The following DCC variants were observed in gnomAD, a reference collection of about 807,000 sequenced individuals.
DCC encodes netrin receptor DCC.
DCC carries 58 observed loss-of-function variants against 172.5 expected under a neutral mutation model. The ratio of observed to expected loss-of-function variants is 0.34; its 90% CI spans 0.27 to 0.42. DCC has a LOEUF of 0.42. DCC is among the 10% of genes least tolerant of loss of function. The pLI, the probability that DCC is intolerant of heterozygous loss-of-function variation, is 1.00. For synonymous variants in DCC, 709 were observed against 644.5 expected, an observed-to-expected ratio of 1.10 and a Z score of -1.52; for missense variants, 1,740 against 1,791.0, an observed-to-expected ratio of 0.97 and a Z score of 0.51.
intron 19 of DCC, among the ~76,000 whole-genome samples, chr18:53,404,318 CTTATT>C (rs1486961245): frequency 7.9e-5 from 12 of 151,814 alleles, no homozygotes; most frequent in Admixed American, 7.9e-4. Flanking sequence ...ATTCTCCACT[CTTATT>C]TAAGTAAATC....
At chr18:52,894,945 C>A (rs567729796) in intron 2 of DCC, among the ~76,000 whole-genome samples, 1 of 152,278 alleles carries the variant, frequency 6.6e-6, no homozygotes, top group East Asian at 1.9e-4. Context: ...AGGCTGGGTG[C>A]CCCACGGCCC....
intron 5 of DCC, among the ~76,000 whole-genome samples, chr18:53,048,563 ATATG>A (rs2042290900): frequency 1.5e-5 from 2 of 135,628 alleles, no homozygotes; most frequent in South Asian, 4.6e-4. Flanking sequence ...GCATATGTGT[ATATG>A]TATGTGTGTG....
intron 7 of DCC, among the ~76,000 whole-genome samples, chr18:53,095,026 C>G (rs1353775894): frequency 6.6e-6 from 1 of 152,148 alleles, no homozygotes; most frequent in Admixed American, 6.6e-5. Flanking sequence ...CAATTAACTT[C>G]TATTATCACA....
At chr18:52,851,452 A>C (rs1457414274) in intron 2 of DCC, among the ~76,000 whole-genome samples, 2 of 152,118 alleles carry the variant, frequency 1.3e-5, no homozygotes, top group African/African-American at 4.8e-5. Flanking sequence ...AATAAACCAC[A>C]GTCTCCATCA....
intron 3 of DCC, among the ~76,000 whole-genome samples, chr18:52,922,955 G>T (rs574370331): frequency 6.6e-6 from 1 of 152,108 alleles, no homozygotes; most frequent in South Asian, 2.1e-4. Flanking sequence ...TTCCTAAGTC[G>T]CATAAAGACT....
chr18:53,271,880 G>T (rs1467438362), intron 12 of DCC, among the ~76,000 whole-genome samples: 1 of 152,124 alleles, frequency 6.6e-6, no homozygotes, highest in Non-Finnish European at 1.5e-5. Flanking sequence ...AGTAATAACA[G>T]ATCACTGAAT....
At chr18:53,384,988 G>A (rs35721894) in intron 15 of DCC, among the ~76,000 whole-genome samples, 102,802 of 147,662 alleles carry the variant, frequency 0.7, 39,085 homozygotes, top group Non-Finnish European at 0.86. Flanking sequence ...GCTGGGACTC[G>A]GGCACCCGCC....
At chr18:52,355,470 G>C (rs1407940845) in intron 1 of DCC, among the ~76,000 whole-genome samples, 1 of 152,132 alleles carries the variant, frequency 6.6e-6, no homozygotes, top group East Asian at 1.9e-4. Context: ...GTCCTCATTT[G>C]TAAAATTTGG....
chr18:52,672,301 T>C (rs1220631486), intron 1 of DCC, among the ~76,000 whole-genome samples: 2 of 152,214 alleles, frequency 1.3e-5, no homozygotes, highest in Non-Finnish European at 2.9e-5. Context: ...ATACGCTTCA[T>C]AATTAGTTTA....
chr18:52,480,198 A>T (rs1348788069), intron 1 of DCC, among the ~76,000 whole-genome samples: 6 of 151,964 alleles, frequency 3.9e-5, no homozygotes, highest in Non-Finnish European at 8.8e-5. Flanking sequence ...ATATTAGCCT[A>T]ATATTCCAGA....
At chr18:52,955,324 A>G (rs180964467) in intron 5 of DCC, among the ~76,000 whole-genome samples, 153 of 152,180 alleles carry the variant, frequency 1.0e-3, no homozygotes, top group Non-Finnish European at 1.6e-3. Flanking sequence ...GTAGCCTTTT[A>G]AAATTGGCTT....
chr18:52,395,419 T>A (rs1986186005), intron 1 of DCC, among the ~76,000 whole-genome samples: 1 of 151,988 alleles, frequency 6.6e-6, no homozygotes, highest in African/African-American at 2.4e-5. Flanking sequence ...TTTTTGTAGT[T>A]TAGTGGGCTG....
chr18:53,361,467 C>G (rs1238250327), intron 15 of DCC, among the ~76,000 whole-genome samples: 1 of 152,058 alleles, frequency 6.6e-6, no homozygotes, highest in Non-Finnish European at 1.5e-5. Context: ...TAACACAACA[C>G]TATTGGAGAA....
chr18:53,500,303 T>C (rs1223076769), intron 27 of DCC, among the ~76,000 whole-genome samples: 4 of 149,844 alleles, frequency 2.7e-5, no homozygotes, highest in Non-Finnish European at 5.9e-5. Context: ...TAGAGATAAA[T>C]AAATAATAGT....
intron 7 of DCC, among the ~76,000 whole-genome samples, chr18:53,080,869 C>A (rs1427000740): frequency 6.6e-6 from 1 of 152,000 alleles, no homozygotes; most frequent in Non-Finnish European, 1.5e-5. Context: ...AGGGCCTTAT[C>A]ATGCATCTTT....
At chr18:53,095,882 C>G (rs2043080143) in intron 7 of DCC, among the ~76,000 whole-genome samples, 1 of 147,038 alleles carries the variant, frequency 6.8e-6, no homozygotes. Context: ...ACAGAGTAGG[C>G]AGTCGGTAAC....
chr18:53,247,854 C>T (rs925369964), intron 12 of DCC, among the ~76,000 whole-genome samples: 11 of 151,894 alleles, frequency 7.2e-5, no homozygotes, highest in Non-Finnish European at 1.5e-4. Context: ...TCAACAGAGC[C>T]ACAGAATTCT....
At chr18:52,851,864 A>G (rs1195566539) in intron 2 of DCC, among the ~76,000 whole-genome samples, 1 of 152,148 alleles carries the variant, frequency 6.6e-6, no homozygotes, top group Non-Finnish European at 1.5e-5. Flanking sequence ...CTTTACTGCA[A>G]TTATGATCTT....
chr18:52,828,979 T>C (rs1276861842), intron 2 of DCC, among the ~76,000 whole-genome samples: 1 of 152,236 alleles, frequency 6.6e-6, no homozygotes, highest in Non-Finnish European at 1.5e-5. Context: ...GCTATGTATA[T>C]GGTCAGGTAA....
Sources: allele counts gnomAD v4.1 joint callset (sites outside exome capture counted in the v4.1 genomes callset), GRCh38; gene constraint gnomAD v4.1.1; transcripts MANE v1.5; gene names NCBI Gene and HGNC (gene_info 2026-07-23, HGNC 2026-07-21).